SLC49A3: variants seen among roughly 807,000 people sequenced by gnomAD.
SLC49A3 encodes the protein solute carrier family 49 member A3.
Under a neutral mutation model 43.8 loss-of-function variants are expected in SLC49A3, and 50 were observed. The observed-to-expected ratio is 1.14, with a 90% CI of 0.91 to 1.45. The LOEUF (loss-of-function observed/expected upper bound fraction) is 1.45, where lower values mean the gene tolerates loss of function less well. Among genes scored for constraint, SLC49A3 ranks in the 40% most tolerant of loss-of-function variants. SLC49A3 has a pLI of 0.00. For missense variants in SLC49A3, 906 were observed against 774.1 expected (o/e 1.17, Z -2.02); for synonymous variants, 413 against 352.0 (o/e 1.17, Z -1.94).
Position 682,123 on chromosome 4 carries a change from C to A in SLC49A3, c.1515G>T (p.Gly505=). ...CTCGGTGGCAGGCTGGGTGGGGGCT[C>A]CCGGGCCCTCTGGGGTCCTCTAGCG... ...GASLEDPRGP[G]SPHPACHRAT... Residue 505 remains glycine, a synonymous_variant, in exon 10 of 10, where the codon GGG becomes GGT. Coordinates refer to ENST00000322224, the MANE Select transcript of SLC49A3 (RefSeq NM_032219.4). The A allele has an allele frequency of 1.5e-6, 2 of 1,353,162 alleles. No individual in the cohort carries two copies. Among genetic ancestry groups the A allele is most frequent in the Non-Finnish European group, 1.9e-6 (2 of 1,040,820 alleles). 83.8% of individuals were successfully genotyped at this position (1,353,162 alleles called of 1,614,324 possible). A position where few individuals can be genotyped will look rare whatever the true frequency, so the allele number is the denominator to read the frequency against.
downstream of SLC49A3, chr4:681,222 C>A (rs1169545339): frequency 1.3e-6 from 2 of 1,510,698 alleles, no homozygotes; most frequent in Non-Finnish European, 1.8e-6. Context: ...GGACGCGGAG[C>A]CCGAGGAGCA....
chr4:684,172 C>T (rs1254164411), intron 6 of SLC49A3, among the ~76,000 whole-genome samples: 1 of 152,246 alleles, frequency 6.6e-6, no homozygotes, highest in African/African-American at 2.4e-5. Context: ...TCCTGCAGAC[C>T]CACAGGGGCG....
At position 685,008 on chromosome 4, in the gene SLC49A3, C is replaced by T; in HGVS notation, c.586-152G>A. On this transcript the variant is annotated intron_variant, in intron 4 of 9. Coordinates refer to ENST00000322224, the MANE Select transcript of SLC49A3 (RefSeq NM_032219.4). This position sits in a 1 kb window ranked among gnomAD's most constrained non-coding sequence, Gnocchi z 4.3. ...GGTCTGCAGCTGCCCTTTGCGAGGC[C>T]CAGGCTGGGAGGGGCCTGCTCCAGG... The T allele has an allele frequency of 1.8e-6, 2 of 1,115,470 alleles. No homozygotes were observed. Among genetic ancestry groups the T allele is most frequent in the Non-Finnish European group, 2.5e-6 (2 of 811,436 alleles). The allele number at this position is 1,115,470 out of a possible 1,614,324, so 69.1% of individuals were successfully genotyped here. A position where few individuals can be genotyped will look rare whatever the true frequency, so the allele number is the denominator to read the frequency against.
downstream of SLC49A3, chr4:678,286 A>G (rs114941799): frequency 3.7e-3 from 5,301 of 1,440,966 alleles, 16 homozygotes; most frequent in Middle Eastern, 8.2e-3. Flanking sequence ...GAGCAGGATG[A>G]GGGGGTTCCT....
downstream of SLC49A3, chr4:678,265 G>C: frequency 6.8e-7 from 1 of 1,466,092 alleles, no homozygotes; most frequent in South Asian, 1.4e-5. Flanking sequence ...TGCTCTCCTG[G>C]TGAGAGTCCG....
downstream of SLC49A3, chr4:679,245 G>A: frequency 2.9e-6 from 2 of 679,960 alleles, no homozygotes; most frequent in African/African-American, 1.8e-5. Flanking sequence ...AGGGTGGGTG[G>A]GACAGCCCAA....
Position 685,036 on chromosome 4 carries a change from C to T in SLC49A3, c.586-180G>A, listed in dbSNP as rs945352481. The T allele has an allele frequency of 6.4e-5, 50 of 777,906 alleles. No homozygotes were observed. Among genetic ancestry groups the T allele is most frequent in the Non-Finnish European group, 9.4e-5 (48 of 512,256 alleles). The allele number at this position is 777,906 out of a possible 1,614,324, so 48.2% of individuals were successfully genotyped here. ...GGCTGGGAGGGGCCTGCTCCAGGGG[C>T]TCATGGGGACCCCTGGCTGTCAACG... is the stretch of plus-strand genomic sequence containing the variant. On this transcript the variant is annotated intron_variant, in intron 4 of 9. Coordinates refer to ENST00000322224, the MANE Select transcript of SLC49A3 (RefSeq NM_032219.4). This position sits in a 1 kb window ranked among gnomAD's most constrained non-coding sequence, Gnocchi z 4.3.
Position 685,200 on chromosome 4 carries a change from TAC to T in SLC49A3, c.586-346_586-345del, listed in dbSNP as rs1414116278. 3 of 395,314 alleles carry T rather than the reference TAC, an allele frequency of 7.6e-6. No homozygotes were observed. Among genetic ancestry groups the T allele is most frequent in the Non-Finnish European group, 1.4e-5 (3 of 216,588 alleles). The allele number at this position is 395,314 out of a possible 1,614,324, so 24.5% of individuals were successfully genotyped here. A position where few individuals can be genotyped will look rare whatever the true frequency, so the allele number is the denominator to read the frequency against. On this transcript the variant is annotated intron_variant, in intron 4 of 9. Transcript: ENST00000322224. The surrounding 1 kb of genome is among the most constrained non-coding windows in gnomAD (Gnocchi z 4.3). ...AGGTGGGTGCAGAGGCACACGTGCA[TAC>T]AGACTCACGCTCAGTACATACCCCC... is the stretch of plus-strand genomic sequence containing the variant.
rs761168652 is a variant in SLC49A3, at chr4:682,322, A to G, written c.1316T>C (p.Val439Ala). Reference protein sequence around the residue: ...LCTFFSCILAVFFHTPYRRLQ... With the variant: ...LCTFFSCILAAFFHTPYRRLQ... ...GCGCCGGTATGGGGTGTGGAAGAAG[A>G]CCGCCAGGATGCAGCTGAAGAAGGT... The change falls in exon 10 of 10, where the codon GTC becomes GCC. Residue 439 changes from valine to alanine, a missense_variant. Transcript: ENST00000322224. 18 of 1,347,386 alleles carry G rather than the reference A, an allele frequency of 1.3e-5. No homozygotes were observed. Among genetic ancestry groups the G allele is most frequent in the Non-Finnish European group, 1.7e-5 (18 of 1,039,590 alleles). 83.5% of individuals were successfully genotyped at this position (1,347,386 alleles called of 1,614,324 possible). A position where few individuals can be genotyped will look rare whatever the true frequency, so the allele number is the denominator to read the frequency against.
Position 682,078 on chromosome 4 carries a change from G to A in SLC49A3, c.1560C>T (p.Gly520=), listed in dbSNP as rs773145684. The change falls in exon 10 of 10, where the codon GGC becomes GGT. Residue 520 remains glycine, a synonymous_variant. Transcript: ENST00000322224. ...ACHRATPRAQ[G]PAATDAPSRP... ...GGGAGGGCGCGTCGGTGGCTGCTGG[G>A]CCTTGCGCACGGGGAGTCGCTCGGT... 1.0e-5 allele frequency: 14 copies of A among 1,405,186 alleles called. No individual in the cohort carries two copies. The highest frequency in any genetic ancestry group is 1.3e-5 in the Non-Finnish European group (14 of 1,068,412). The allele number at this position is 1,405,186 out of a possible 1,614,324, so 87.0% of individuals were successfully genotyped here.
chr4:681,168 C>G (rs752629765), downstream of SLC49A3: 1 of 1,595,694 alleles, frequency 6.3e-7, no homozygotes, highest in African/African-American at 1.3e-5. Context: ...CCTGCCAAGC[C>G]CACGAGGGGA....
chr4:677,755 G>A (rs768632000), downstream of SLC49A3, among the ~76,000 whole-genome samples: 1 of 152,152 alleles, frequency 6.6e-6, no homozygotes, highest in African/African-American at 2.4e-5. Context: ...AAGCCTCCCC[G>A]GGGTTCGGGG....
chr4:678,544 G>A (rs1438159004), downstream of SLC49A3: 1 of 1,472,846 alleles, frequency 6.8e-7, no homozygotes, highest in Non-Finnish European at 9.0e-7. Context: ...GCCCCCTCCA[G>A]CCCGAAGGGC....
downstream of SLC49A3, chr4:681,275 C>A: frequency 9.6e-7 from 1 of 1,044,310 alleles, no homozygotes; most frequent in Non-Finnish European, 1.4e-6. Context: ...CCCCGGGGGG[C>A]TCCCGAAGTG....
chr4:678,445 G>C, downstream of SLC49A3: 3 of 1,427,678 alleles, frequency 2.1e-6, no homozygotes, highest in Non-Finnish European at 1.8e-6. Flanking sequence ...CCCTCCCCCA[G>C]TCCCTGTGCT....
At chr4:681,183 G>A (rs770470611), downstream of SLC49A3, 134 of 1,576,372 alleles carry the variant, frequency 8.5e-5, 3 homozygotes, top group Middle Eastern at 8.0e-3. Flanking sequence ...AGGGGAGGGC[G>A]GGGCTCCCGG....
downstream of SLC49A3, chr4:679,265 C>G (rs1352298082): frequency 1.1e-5 from 7 of 638,318 alleles, no homozygotes; most frequent in Non-Finnish European, 2.0e-5. Flanking sequence ...AGCCTGGAAA[C>G]TCAGAGTGGG....
chr4:681,073 C>A (rs1384649740), downstream of SLC49A3: 1 of 1,590,238 alleles, frequency 6.3e-7, no homozygotes, highest in Non-Finnish European at 8.6e-7. Context: ...CCCGCGCTGA[C>A]CCCTTTCCTC....
Position 682,049 on chromosome 4 carries a change from G to A in SLC49A3, c.1589C>T (p.Pro530Leu). Residue 530 changes from proline to leucine, a missense_variant, in exon 10 of 10, where the codon CCC (proline) becomes CTC (leucine). Transcript: ENST00000322224. ...GPAATDAPSRPGRLAGRVQAS... is the reference protein window; with the variant it reads ...GPAATDAPSRLGRLAGRVQAS... Reference sequence around the variant, plus strand: ...TTGGACCCTGCCTGCGAGTCTGCCGGGGCGGGAGGGCGCGTCGGTGGCTGC... The same window carrying A: ...TTGGACCCTGCCTGCGAGTCTGCCGAGGCGGGAGGGCGCGTCGGTGGCTGC... 3 of 1,416,604 alleles carry A rather than the reference G, an allele frequency of 2.1e-6. No homozygotes were observed. Among genetic ancestry groups the A allele is most frequent in the Middle Eastern group, 1.9e-4 (1 of 5,190 alleles). The allele number at this position is 1,416,604 out of a possible 1,614,324, so 87.8% of individuals were successfully genotyped here.
Sources: allele counts gnomAD v4.1 joint callset (sites outside exome capture counted in the v4.1 genomes callset), GRCh38; gene constraint gnomAD v4.1.1; non-coding constraint Gnocchi (gnomAD v3.1); transcripts MANE v1.5; gene names NCBI Gene and HGNC (gene_info 2026-07-23, HGNC 2026-07-21).